PTPRD: variants seen among roughly 807,000 people sequenced by gnomAD.
PTPRD encodes the protein protein tyrosine phosphatase receptor type D.
A neutral mutation model predicts 214.5 loss-of-function variants in PTPRD; 34 were observed. That is an observed-to-expected ratio of 0.16 (90% CI 0.12 to 0.21). The LOEUF (loss-of-function observed/expected upper bound fraction) is 0.21, where lower values mean the gene tolerates loss of function less well. PTPRD is among the 10% of genes least tolerant of loss of function. The pLI, the probability that PTPRD is intolerant of heterozygous loss-of-function variation, is 1.00. For missense variants in PTPRD, 2,545 were observed against 2,398.7 expected, an observed-to-expected ratio of 1.06 and a Z score of -1.27; for synonymous variants, 1,128 against 845.7, an observed-to-expected ratio of 1.33 and a Z score of -5.79.
intron 14 of PTPRD, among the ~76,000 whole-genome samples, chr9:8,595,807 T>A (rs915056041): frequency 6.6e-6 from 1 of 152,318 alleles, no homozygotes; most frequent in Admixed American, 6.5e-5. Context: ...AAAGTAATGA[T>A]GCGTAATCCA....
At chr9:10,549,520 G>C (rs1181369171) in intron 2 of PTPRD, among the ~76,000 whole-genome samples, 1 of 152,108 alleles carries the variant, frequency 6.6e-6, no homozygotes, top group Non-Finnish European at 1.5e-5. Flanking sequence ...CAGAGATTAG[G>C]TGCAACTTGG....
intron 36 of PTPRD, among the ~76,000 whole-genome samples, chr9:8,390,897 G>C (rs1199517569): frequency 6.6e-6 from 1 of 152,194 alleles, no homozygotes; most frequent in Non-Finnish European, 1.5e-5. Flanking sequence ...TGAGTTCCAA[G>C]TTTTAAATTC....
intron 2 of PTPRD, among the ~76,000 whole-genome samples, chr9:10,458,604 C>T (rs2098935267): frequency 6.6e-6 from 1 of 152,132 alleles, no homozygotes; most frequent in South Asian, 2.1e-4. Flanking sequence ...TGGGGAGAAA[C>T]TGAAAGCTTT....
At chr9:9,079,267 A>T (rs76829501) in intron 10 of PTPRD, among the ~76,000 whole-genome samples, 1,774 of 151,772 alleles carry the variant, frequency 0.012, 28 homozygotes, top group African/African-American at 0.04. Context: ...ATTAGATCAA[A>T]TTTTTTTTAG....
chr9:9,769,419 G>A (rs972594222), intron 5 of PTPRD, among the ~76,000 whole-genome samples: 24 of 130,104 alleles, frequency 1.8e-4, no homozygotes, highest in African/African-American at 3.8e-4. Flanking sequence ...TCCGCCTCCC[G>A]GGTTCACACC....
chr9:9,482,006 G>C (rs1438904960), intron 8 of PTPRD, among the ~76,000 whole-genome samples: 3 of 151,990 alleles, frequency 2.0e-5, no homozygotes, highest in Non-Finnish European at 4.4e-5. Flanking sequence ...AACTCTCCCA[G>C]TCAACATGTT....
intron 14 of PTPRD, among the ~76,000 whole-genome samples, chr9:8,558,002 GA>G (rs1025279445): frequency 3.4e-4 from 51 of 151,682 alleles, no homozygotes; most frequent in South Asian, 2.7e-3. Context: ...TGTGAAGCCT[GA>G]AAAAAAATTA....
chr9:8,403,037 T>C (rs960821950), intron 36 of PTPRD, among the ~76,000 whole-genome samples: 4 of 152,142 alleles, frequency 2.6e-5, no homozygotes, highest in South Asian at 2.1e-4. Flanking sequence ...AGGTATAGGA[T>C]TGTTCAAATG....
chr9:10,418,857 T>A (rs189096020), intron 2 of PTPRD, among the ~76,000 whole-genome samples: 13 of 151,932 alleles, frequency 8.6e-5, no homozygotes, highest in Admixed American at 6.6e-4. Context: ...TCCTAAGCCC[T>A]CCTAGAAGTG....
intron 8 of PTPRD, among the ~76,000 whole-genome samples, chr9:9,506,074 A>T (rs2096563812): frequency 6.6e-6 from 1 of 151,548 alleles, no homozygotes; most frequent in African/African-American, 2.4e-5. Flanking sequence ...CTCAACATTC[A>T]AATGTCTTTA....
At chr9:8,802,925 ACCTGTAGT>A (rs1048366380) in intron 11 of PTPRD, among the ~76,000 whole-genome samples, 4 of 152,056 alleles carry the variant, frequency 2.6e-5, no homozygotes, top group African/African-American at 9.7e-5. Context: ...GGTGGCACAC[ACCTGTAGT>A]CTCAGCTACT....
At chr9:9,369,187 G>C (rs2058731209) in intron 9 of PTPRD, among the ~76,000 whole-genome samples, 1 of 152,032 alleles carries the variant, frequency 6.6e-6, no homozygotes, top group South Asian at 2.1e-4. Context: ...TTGGTTCCAA[G>C]TCTTCCACAA....
chr9:10,330,093 A>G (rs2096721974), intron 3 of PTPRD, among the ~76,000 whole-genome samples: 1 of 151,534 alleles, frequency 6.6e-6, no homozygotes. Context: ...TATGTTTCTG[A>G]GGAGGTAACT....
chr9:9,630,556 T>C (rs1472572617), intron 7 of PTPRD, among the ~76,000 whole-genome samples: 1 of 152,176 alleles, frequency 6.6e-6, no homozygotes, highest in Non-Finnish European at 1.5e-5. Flanking sequence ...GAATAAGAAA[T>C]GTTTATTAAC....
intron 4 of PTPRD, among the ~76,000 whole-genome samples, chr9:10,003,608 G>C (rs779529259): frequency 4.0e-5 from 6 of 151,636 alleles, no homozygotes; most frequent in Admixed American, 1.3e-4. Flanking sequence ...TTTTATAAGA[G>C]ATAAAGTTAA....
intron 10 of PTPRD, among the ~76,000 whole-genome samples, chr9:9,158,554 C>G (rs946566940): frequency 1.3e-5 from 2 of 151,932 alleles, no homozygotes; most frequent in East Asian, 1.9e-4. Context: ...GAGCCGAGAT[C>G]GTGGCACTGC....
At chr9:9,161,872 A>G (rs1215913739) in intron 10 of PTPRD, among the ~76,000 whole-genome samples, 1 of 152,086 alleles carries the variant, frequency 6.6e-6, no homozygotes, top group Non-Finnish European at 1.5e-5. Flanking sequence ...ATATATATTT[A>G]AATTGACTAA....
chr9:9,789,081 C>G (rs1317074119), intron 5 of PTPRD, among the ~76,000 whole-genome samples: 1 of 152,210 alleles, frequency 6.6e-6, no homozygotes, highest in African/African-American at 2.4e-5. Context: ...ACATGGACAT[C>G]TGGAGGGATC....
At chr9:9,006,932 A>G (rs1158809628) in intron 11 of PTPRD, among the ~76,000 whole-genome samples, 9 of 152,040 alleles carry the variant, frequency 5.9e-5, no homozygotes, top group African/African-American at 1.7e-4. Context: ...AGTAAATCTA[A>G]TAACTCTTTC....
Sources: gnomAD v4.1 joint callset for allele counts (sites outside exome capture counted in the v4.1 genomes callset) on GRCh38, gnomAD v4.1.1 for gene constraint, MANE v1.5 for transcripts, NCBI Gene and HGNC (gene_info 2026-07-23, HGNC 2026-07-21) for gene names.